Variants in TP63 observed in about 807,000 individuals in gnomAD.
TP63 encodes tumor protein 63.
A neutral mutation model predicts 82.8 loss-of-function variants in TP63; 17 were observed. The ratio of observed to expected loss-of-function variants is 0.21; its 90% CI spans 0.14 to 0.31. TP63 has a LOEUF of 0.31. Among genes scored for constraint, TP63 ranks in the 10% least tolerant of loss-of-function variants. TP63 has a pLI of 1.00. For missense variants in TP63, 648 were observed against 895.3 expected (o/e 0.72, Z 3.52); for synonymous variants, 330 against 321.7 (o/e 1.03, Z -0.28).
chr3:189,712,811 G>C (rs1718690997), intron 1 of TP63, among the ~76,000 whole-genome samples: 1 of 152,164 alleles, frequency 6.6e-6, no homozygotes, highest in African/African-American at 2.4e-5. Flanking sequence ...TTTCAGAAAT[G>C]AAGGTAGGAT....
In TP63 at chr3:189,710,389, C is replaced by T. The variant is rs149765279; in HGVS notation, c.63-27351C>T. Among the ~76,000 whole-genome samples the T allele has an allele frequency of 6.1e-3, 931 of 152,212 alleles. 10 individuals are homozygous for T. Among genetic ancestry groups the T allele is most frequent in the African/African-American group, 0.021 (882 of 41,532 alleles). On this transcript the variant is annotated intron_variant, in intron 1 of 13. Transcript: ENST00000264731. Reference sequence around the variant, plus strand: ...TACAGGTCACCACTCAGTTTCTCAGCTTTCAGATTCCTGCTTTGGAAACAT... The same window carrying T: ...TACAGGTCACCACTCAGTTTCTCAGTTTTCAGATTCCTGCTTTGGAAACAT...
the TP63 span, among the ~76,000 whole-genome samples, chr3:189,599,604 A>G: frequency 2.0e-5 from 3 of 152,240 alleles, no homozygotes; most frequent in Admixed American, 1.3e-4. Context: ...CATGGCAGTC[A>G]TGATTAATGA....
intron 1 of TP63, among the ~76,000 whole-genome samples, chr3:189,708,365 T>C (rs1280362411): frequency 6.6e-6 from 1 of 152,200 alleles, no homozygotes; most frequent in Non-Finnish European, 1.5e-5. Flanking sequence ...GTTTTCTCGT[T>C]TGTTTGTTAG....
intron 4 of TP63, among the ~76,000 whole-genome samples, chr3:189,862,889 A>G (rs1024134556): frequency 2.0e-5 from 3 of 152,242 alleles, no homozygotes; most frequent in Non-Finnish European, 4.4e-5. Flanking sequence ...GCCTGCGGAC[A>G]TGGAGGACTG....
At chr3:189,655,390 C>T (rs936597462) in intron 1 of TP63, among the ~76,000 whole-genome samples, 4 of 152,032 alleles carry the variant, frequency 2.6e-5, no homozygotes, top group Non-Finnish European at 5.9e-5. Context: ...TTTGGGAGGC[C>T]GAGGCGGGTG....
chr3:189,626,195 A>G, the TP63 span, among the ~76,000 whole-genome samples: 1 of 152,172 alleles, frequency 6.6e-6, no homozygotes, highest in African/African-American at 2.4e-5. Flanking sequence ...TATTAGGTCC[A>G]AAGTTGGAAG....
chr3:189,715,216 G>A (rs1169026046), intron 1 of TP63, among the ~76,000 whole-genome samples: 2 of 152,132 alleles, frequency 1.3e-5, no homozygotes, highest in Non-Finnish European at 2.9e-5. Context: ...CCACTAGATG[G>A]AAGGATTCTA....
chr3:189,626,208 T>C, the TP63 span, among the ~76,000 whole-genome samples: 23 of 152,122 alleles, frequency 1.5e-4, no homozygotes, highest in African/African-American at 5.1e-4. Flanking sequence ...GTTGGAAGAG[T>C]TAGCAGGATC....
At chr3:189,775,220 CAAAAAAA>C (rs56288032) in intron 3 of TP63, among the ~76,000 whole-genome samples, 1 of 93,030 alleles carries the variant, frequency 1.1e-5, no homozygotes, top group Non-Finnish European at 2.1e-5. Context: ...AACTCTGTCT[CAAAAAAA>C]AAAAAAAAAA....
At chr3:189,607,951 T>G in the TP63 span, among the ~76,000 whole-genome samples, 83 of 152,110 alleles carry the variant, frequency 5.5e-4, 1 homozygote, top group Non-Finnish European at 3.2e-4. Flanking sequence ...TATATCTAAC[T>G]CAAAGAAAGT....
chr3:189,672,833 ATAAT>A (rs1227750531), intron 1 of TP63, among the ~76,000 whole-genome samples: 3 of 152,128 alleles, frequency 2.0e-5, no homozygotes, highest in Admixed American at 6.6e-5. Context: ...TTTTTTTAAC[ATAAT>A]TAATACAAAC....
chr3:189,775,048 G>A (rs991947396), intron 3 of TP63, among the ~76,000 whole-genome samples: 15 of 151,800 alleles, frequency 9.9e-5, no homozygotes, highest in South Asian at 2.1e-4. Context: ...GTGAAACCTC[G>A]TCTCTACTAC....
At chr3:189,794,227 A>G (rs1725458536) in intron 3 of TP63, among the ~76,000 whole-genome samples, 1 of 152,092 alleles carries the variant, frequency 6.6e-6, no homozygotes, top group Non-Finnish European at 1.5e-5. Flanking sequence ...CTGAGCATCA[A>G]TTATATGTAA....
At chr3:189,878,385 CTTT>C (rs1203096619) in intron 10 of TP63, among the ~76,000 whole-genome samples, 40 of 107,700 alleles carry the variant, frequency 3.7e-4, no homozygotes, top group African/African-American at 1.3e-3. Context: ...TTACAGTTTC[CTTT>C]TTTTTTTTTT....
intron 4 of TP63, among the ~76,000 whole-genome samples, chr3:189,810,650 G>A (rs754406178): frequency 3.4e-4 from 52 of 152,134 alleles, no homozygotes; most frequent in Non-Finnish European, 4.6e-4. Flanking sequence ...GAGGTCAGGA[G>A]TTCAAGACCA....
chr3:189,827,591 A>C (rs1711602852), intron 4 of TP63, among the ~76,000 whole-genome samples: 1 of 152,252 alleles, frequency 6.6e-6, no homozygotes, highest in South Asian at 2.1e-4. Flanking sequence ...GGGAAAAATA[A>C]GAATAGATAT....
intron 4 of TP63, among the ~76,000 whole-genome samples, chr3:189,834,987 AC>A (rs1325876352): frequency 4.0e-5 from 6 of 149,834 alleles, no homozygotes; most frequent in Non-Finnish European, 7.4e-5. Context: ...TTAAATCTTC[AC>A]TGAGATAGGG....
chr3:189,809,186 C>T, intron 4 of TP63, among the ~76,000 whole-genome samples: 1 of 151,948 alleles, frequency 6.6e-6, no homozygotes, highest in East Asian at 1.9e-4. Flanking sequence ...TATCAGAGCC[C>T]TGAATTAGTC....
chr3:189,642,271 C>T (rs1160537730), intron 1 of TP63, among the ~76,000 whole-genome samples: 1 of 152,130 alleles, frequency 6.6e-6, no homozygotes, highest in African/African-American at 2.4e-5. Context: ...TAAAAGACCT[C>T]AACGTTTGAT....
Sources: gnomAD v4.1 joint callset for allele counts (sites outside exome capture counted in the v4.1 genomes callset) on GRCh38, gnomAD v4.1.1 for gene constraint, MANE v1.5 for transcripts, NCBI Gene and HGNC (gene_info 2026-07-23, HGNC 2026-07-21) for gene names.